RALA: variants seen among roughly 807,000 people sequenced by gnomAD.
RALA encodes ras-related protein Ral-A.
A neutral mutation model predicts 24.0 loss-of-function variants in RALA; 5 were observed. The ratio of observed to expected loss-of-function variants is 0.21; its 90% CI spans 0.11 to 0.44. The LOEUF (loss-of-function observed/expected upper bound fraction) is 0.44. Among genes scored for constraint, RALA ranks in the 20% least tolerant of loss-of-function variants. The probability of loss-of-function intolerance (pLI) is 0.99; values close to 1 mark genes in which losing one functional copy is unlikely to be tolerated. For synonymous variants in RALA, 77 were observed against 83.8 expected (o/e 0.92, Z 0.44); for missense variants, 95 against 241.2 (o/e 0.39, Z 4.01).
Position 39,666,465 on chromosome 7 carries a change from G to A in RALA, c.-37-20166G>A, listed in dbSNP as rs1240417137. Among the ~76,000 whole-genome samples, 5 of 152,288 alleles carry A rather than the reference G, an allele frequency of 3.3e-5. No individual in the cohort carries two copies. The East Asian group carries it at 9.7e-4, about 29-fold the overall frequency. On this transcript the variant is annotated intron_variant, in intron 1 of 4. Transcript: ENST00000005257. ...GCTAAACAGATTTGTGATGGAGAAT[G>A]TAACTGATAATAGTTGTCATTAAAC...
At chr7:39,669,723 T>C (rs537223081) in intron 1 of RALA, among the ~76,000 whole-genome samples, 1 of 152,030 alleles carries the variant, frequency 6.6e-6, no homozygotes, top group Admixed American at 6.6e-5. Flanking sequence ...GGAGGATTGC[T>C]TGAGCCCAGG....
At chr7:39,649,448 C>T (rs560487534) in intron 1 of RALA, among the ~76,000 whole-genome samples, 6 of 152,254 alleles carry the variant, frequency 3.9e-5, no homozygotes, top group South Asian at 2.1e-4. Context: ...AGTTCACGAG[C>T]GCAGAGTCCT....
chr7:39,658,297 C>A (rs77577553), intron 1 of RALA, among the ~76,000 whole-genome samples: 2,260 of 152,262 alleles, frequency 0.015, 40 homozygotes, highest in African/African-American at 0.05. Context: ...CCTCCCCCTA[C>A]AAAGTCTGGG....
chr7:39,703,845 G>A (rs986304705), intron 4 of RALA, among the ~76,000 whole-genome samples: 3 of 151,994 alleles, frequency 2.0e-5, no homozygotes, highest in Admixed American at 1.3e-4. Flanking sequence ...TTCCAAAAGA[G>A]CAACATTGCT....
chr7:39,671,759 T>C (rs758594134), intron 1 of RALA, among the ~76,000 whole-genome samples: 2 of 152,244 alleles, frequency 1.3e-5, no homozygotes, highest in Non-Finnish European at 2.9e-5. Flanking sequence ...GAATATTACT[T>C]TTCTTAGTTC....
At chr7:39,631,271 G>A (rs886974242) in intron 1 of RALA, among the ~76,000 whole-genome samples, 23 of 152,126 alleles carry the variant, frequency 1.5e-4, no homozygotes, top group Non-Finnish European at 2.8e-4. Flanking sequence ...GCCTTCCAAA[G>A]CACTGGGATT....
chr7:39,671,739 C>A (rs1792392698), intron 1 of RALA, among the ~76,000 whole-genome samples: 2 of 152,056 alleles, frequency 1.3e-5, no homozygotes, highest in Non-Finnish European at 2.9e-5. Context: ...ACTACTGTAC[C>A]CTTAAAACAG....
At chr7:39,669,942 G>GT (rs1792352408) in intron 1 of RALA, among the ~76,000 whole-genome samples, 1 of 151,904 alleles carries the variant, frequency 6.6e-6, no homozygotes, top group African/African-American at 2.4e-5. Context: ...GGTTAATTCA[G>GT]TTATTTTTTC....
At chr7:39,666,722 T>C (rs1175736805) in intron 1 of RALA, among the ~76,000 whole-genome samples, 1 of 152,192 alleles carries the variant, frequency 6.6e-6, no homozygotes, top group African/African-American at 2.4e-5. Context: ...TTAAAAAGAA[T>C]TGGCTATTCA....
chr7:39,704,069 G>A (rs1793073381), intron 4 of RALA, among the ~76,000 whole-genome samples: 1 of 150,958 alleles, frequency 6.6e-6, no homozygotes, highest in South Asian at 2.1e-4. Context: ...GGAAGGCTGA[G>A]GCAGGAGAAT....
At chr7:39,638,400 A>G (rs1467035604) in intron 1 of RALA, among the ~76,000 whole-genome samples, 2 of 152,222 alleles carry the variant, frequency 1.3e-5, no homozygotes, top group East Asian at 1.9e-4. Context: ...TTTACTTAGC[A>G]TAGTGTCTTT....
At chr7:39,679,804 G>A (rs955270464) in intron 1 of RALA, among the ~76,000 whole-genome samples, 24 of 151,800 alleles carry the variant, frequency 1.6e-4, no homozygotes, top group African/African-American at 3.9e-4. Flanking sequence ...TCTGCCTCCC[G>A]GTTTCAAGTG....
chr7:39,701,844 C>G (rs1002329372), intron 4 of RALA, among the ~76,000 whole-genome samples: 1 of 152,186 alleles, frequency 6.6e-6, no homozygotes, highest in Non-Finnish European at 1.5e-5. Context: ...GGAATCACTC[C>G]GAGGCTAAAG....
At chr7:39,653,714 C>T (rs1187931120) in intron 1 of RALA, among the ~76,000 whole-genome samples, 1 of 152,164 alleles carries the variant, frequency 6.6e-6, no homozygotes, top group Admixed American at 6.5e-5. Flanking sequence ...GAACATTAGT[C>T]TTGTAGTAGC....
intron 1 of RALA, among the ~76,000 whole-genome samples, chr7:39,628,299 C>CT (rs1791529810): frequency 6.6e-6 from 1 of 151,938 alleles, no homozygotes; most frequent in African/African-American, 2.4e-5. Context: ...TGTTACAGCT[C>CT]TTAACTACAC....
intron 1 of RALA, among the ~76,000 whole-genome samples, chr7:39,642,563 G>A (rs1791837398): frequency 6.6e-6 from 1 of 152,092 alleles, no homozygotes; most frequent in Admixed American, 6.5e-5. Context: ...TATATATTCT[G>A]ATTTCCTTCA....
chr7:39,624,866 A>G (rs1238022798), intron 1 of RALA, among the ~76,000 whole-genome samples: 1 of 152,196 alleles, frequency 6.6e-6, no homozygotes, highest in Non-Finnish European at 1.5e-5. Flanking sequence ...AACAGATTTC[A>G]TTGGTAAACT....
At chr7:39,679,072 C>CT (rs11418081) in intron 1 of RALA, among the ~76,000 whole-genome samples, 96,045 of 145,604 alleles carry the variant, frequency 0.66, 32,084 homozygotes, top group African/African-American at 0.79. Context: ...TGTTCTGTAT[C>CT]TTTTTTTTTT....
chr7:39,646,878 C>T (rs1416305701), intron 1 of RALA, among the ~76,000 whole-genome samples: 1 of 151,880 alleles, frequency 6.6e-6, no homozygotes, highest in African/African-American at 2.4e-5. Context: ...CATTATAAAC[C>T]ATAAAATAAT....
Sources: gnomAD v4.1 joint callset for allele counts (sites outside exome capture counted in the v4.1 genomes callset) on GRCh38, gnomAD v4.1.1 for gene constraint, MANE v1.5 for transcripts, NCBI Gene and HGNC (gene_info 2026-07-23, HGNC 2026-07-21) for gene names.